Variants in RBM6 observed in about 807,000 individuals in gnomAD.
The protein encoded by RBM6 is RNA-binding protein 6.
RBM6 carries 23 observed loss-of-function variants against 140.4 expected under a neutral mutation model. That is an observed-to-expected ratio of 0.16 (90% CI 0.12 to 0.23). RBM6 has a LOEUF of 0.23. Among genes scored for constraint, RBM6 ranks in the 10% least tolerant of loss-of-function variants. The pLI, the probability that RBM6 is intolerant of heterozygous loss-of-function variation, is 1.00. For missense variants in RBM6, 1,139 were observed against 1,386.7 expected, an observed-to-expected ratio of 0.82 and a Z score of 2.84; for synonymous variants, 439 against 475.6, an observed-to-expected ratio of 0.92 and a Z score of 1.00.
chr3:50,011,839 C>CTTTTTT (rs201167549), intron 6 of RBM6, among the ~76,000 whole-genome samples: 1 of 143,684 alleles, frequency 7.0e-6, no homozygotes. Flanking sequence ...TCTTTTCTTT[C>CTTTTTT]TTTTTTTTTT....
intron 6 of RBM6, among the ~76,000 whole-genome samples, chr3:50,008,542 G>C (rs1209905113): frequency 8.7e-6 from 1 of 115,518 alleles, no homozygotes; most frequent in Non-Finnish European, 1.8e-5. Context: ...TGGCTCTTTT[G>C]TAACTTTTTT....
chr3:50,056,474 T>C (rs570306554), intron 8 of RBM6, among the ~76,000 whole-genome samples: 3 of 152,156 alleles, frequency 2.0e-5, no homozygotes, highest in African/African-American at 7.2e-5. Context: ...TTTTGTATTT[T>C]CAGTAGAGAC....
chr3:49,968,983 T>TC (rs397801877), intron 3 of RBM6, among the ~76,000 whole-genome samples: 4 of 150,816 alleles, frequency 2.7e-5, no homozygotes, highest in African/African-American at 4.8e-5. Context: ...TTTTTTTTTT[T>TC]CTTTAAATAA....
At chr3:50,063,888 A>G (rs1444775243) in intron 15 of RBM6, among the ~76,000 whole-genome samples, 1 of 152,060 alleles carries the variant, frequency 6.6e-6, no homozygotes, top group Non-Finnish European at 1.5e-5. Context: ...TGCATTAGTG[A>G]AAATGGATGA....
At chr3:49,977,160 C>T (rs2085099293) in intron 5 of RBM6, among the ~76,000 whole-genome samples, 2 of 152,194 alleles carry the variant, frequency 1.3e-5, no homozygotes, top group Admixed American at 1.3e-4. Context: ...CGTGAGCTGA[C>T]CCTTGGCTGT....
chr3:50,033,366 ATCT>A, intron 6 of RBM6, among the ~76,000 whole-genome samples: 2 of 152,326 alleles, frequency 1.3e-5, no homozygotes, highest in East Asian at 3.9e-4. Flanking sequence ...GTTCACTATA[ATCT>A]TGAGCTCCTG....
intron 6 of RBM6, among the ~76,000 whole-genome samples, chr3:50,008,463 C>A (rs2086685865): frequency 6.6e-6 from 1 of 150,762 alleles, no homozygotes; most frequent in East Asian, 1.9e-4. Context: ...GGTTTATGAC[C>A]TTATGTATGT....
chr3:50,044,006 G>A (rs567609001), intron 6 of RBM6, among the ~76,000 whole-genome samples: 5 of 151,722 alleles, frequency 3.3e-5, no homozygotes, highest in East Asian at 2.0e-4. Flanking sequence ...TCAGTCTTCC[G>A]ACTGGCTGGG....
intron 6 of RBM6, among the ~76,000 whole-genome samples, chr3:50,030,376 T>C (rs1478271762): frequency 6.6e-6 from 1 of 151,284 alleles, no homozygotes; most frequent in East Asian, 1.9e-4. Flanking sequence ...GGGAGAATAA[T>C]TGGTTGGATA....
intron 1 of RBM6, among the ~76,000 whole-genome samples, chr3:49,958,269 C>G (rs1282770992): frequency 6.8e-6 from 1 of 147,066 alleles, no homozygotes; most frequent in Non-Finnish European, 1.5e-5. Context: ...ACTAAAAACA[C>G]AAAAGGCCGG....
intron 20 of RBM6, 22 bp downstream of exon 20, chr3:50,075,352 G>C: frequency 2.5e-6 from 4 of 1,602,510 alleles, no homozygotes; most frequent in Admixed American, 1.7e-5. Flanking sequence ...TCCATCTTTT[G>C]GGGGGTGACA....
chr3:50,048,075 A>G (rs191990231), intron 6 of RBM6, among the ~76,000 whole-genome samples, 170 bp from the exon 7 acceptor site: 194 of 152,286 alleles, frequency 1.3e-3, no homozygotes, highest in Middle Eastern at 6.8e-3. Context: ...TTGCTCTGTA[A>G]CACTGCCCCA....
intron 1 of RBM6, among the ~76,000 whole-genome samples, chr3:49,942,726 C>G (rs1014629653): frequency 2.6e-5 from 4 of 152,044 alleles, no homozygotes; most frequent in African/African-American, 9.7e-5. Flanking sequence ...AACCCCGTAT[C>G]TACTAAAAAT....
At chr3:50,049,832 A>ACTAT (rs10663354) in intron 7 of RBM6, among the ~76,000 whole-genome samples, 97,664 of 150,500 alleles carry the variant, frequency 0.65, 32,230 homozygotes, top group East Asian at 0.88. Context: ...AGCTATCAAC[A>ACTAT]CTACTTCCTA....
chr3:50,073,623 C>A (rs952866239), intron 19 of RBM6, among the ~76,000 whole-genome samples: 1 of 152,196 alleles, frequency 6.6e-6, no homozygotes. Flanking sequence ...ACACTGGACT[C>A]CTACTCCCAG....
chr3:49,992,311 G>GA (rs1224243175), intron 5 of RBM6, among the ~76,000 whole-genome samples: 2 of 151,698 alleles, frequency 1.3e-5, no homozygotes, highest in African/African-American at 2.4e-5. Flanking sequence ...TAAGGCAGTA[G>GA]AAAAAAAATG....
chr3:50,040,188 T>A (rs2088799222), intron 6 of RBM6, among the ~76,000 whole-genome samples: 1 of 152,092 alleles, frequency 6.6e-6, no homozygotes, highest in Non-Finnish European at 1.5e-5. Flanking sequence ...GGCTCACGCC[T>A]GTAATCCCAA....
At chr3:50,062,755 C>A (rs6793528) in intron 15 of RBM6, among the ~76,000 whole-genome samples, 92,454 of 151,818 alleles carry the variant, frequency 0.61, 28,652 homozygotes, top group East Asian at 0.88. Context: ...ACTTTTTATC[C>A]TAAGTATTTT....
At chr3:49,970,645 T>C (rs999799155) in intron 3 of RBM6, among the ~76,000 whole-genome samples, 1 of 152,326 alleles carries the variant, frequency 6.6e-6, no homozygotes, top group African/African-American at 2.4e-5. Flanking sequence ...TTCTTGAATA[T>C]ATGATTTAAG....
Sources: allele counts gnomAD v4.1 joint callset (sites outside exome capture counted in the v4.1 genomes callset), GRCh38; gene constraint gnomAD v4.1.1; transcripts MANE v1.5; gene names NCBI Gene and HGNC (gene_info 2026-07-23, HGNC 2026-07-21).